Variants in MFRP observed in about 807,000 individuals in gnomAD.
MFRP encodes C1q and TNF related 5.
In MFRP, 74 loss-of-function variants were observed where a neutral mutation model predicts 65.8. That is an observed-to-expected ratio of 1.12 (90% confidence interval 0.93 to 1.36). The LOEUF is 1.36. Ranked by LOEUF, MFRP falls within the 40% of genes most tolerant of loss-of-function variation. The probability of loss-of-function intolerance (pLI) is 0.00; values close to 1 mark genes in which losing one functional copy is unlikely to be tolerated. For missense variants in MFRP, 838 were observed against 736.0 expected (o/e 1.14, Z -1.60); for synonymous variants, 336 against 288.3 (o/e 1.17, Z -1.68).
rs776835313 is a variant in MFRP at position 119,345,914 on chromosome 11, G to T, written c.286C>A (p.Pro96Thr). ...AIILAQLQAA[P>T]PSGASHSPLP... The stretch of plus-strand genomic sequence containing the variant: ...GGGCTATGGGACGCCCCAGATGGGG[G>T]TGCAGCCTGCAGCTCTGGAGGCGAG... The change falls in exon 4 of 15, where the codon CCC becomes ACC. Residue 96 changes from proline to threonine, a missense_variant. Transcript: ENST00000619721. The T allele has an allele frequency of 2.7e-5, 43 of 1,613,698 alleles. 1 individual carries two copies. The Middle Eastern group carries it at 4.9e-4, about 19-fold the overall frequency.
chr11:119,343,638 G>T (rs146716024), intron 9 of MFRP, among the ~76,000 whole-genome samples, 178 bp downstream of exon 9: 1 of 152,332 alleles, frequency 6.6e-6, no homozygotes, highest in Non-Finnish European at 1.5e-5. Flanking sequence ...GACAGGGAGA[G>T]TGTGGGGTGA....
intron 9 of MFRP, among the ~76,000 whole-genome samples, chr11:119,343,274 G>C (rs1042176894): frequency 6.6e-5 from 10 of 152,264 alleles, no homozygotes; most frequent in Non-Finnish European, 1.3e-4. Context: ...ATTTTGGGAG[G>C]CTGAGTAGGG....
chr11:119,345,103 A>G, intron 5 of MFRP, 99 bp from the exon 6 acceptor site: 2 of 1,479,128 alleles, frequency 1.4e-6, no homozygotes, highest in Non-Finnish European at 1.8e-6. Flanking sequence ...TCAACCCCCA[A>G]ACTGGTGACC....
In MFRP at chr11:119,339,716, G is replaced by T; in HGVS notation, c.*1243C>A. The T allele has an allele frequency of 6.2e-7, 1 of 1,603,214 alleles. No individual in the cohort carries two copies. ...GGGCAAGGGTGCGTCAGACGGCGGA[G>T]GCACCCGGCTCTCGGAGCGCTTGGC... On this transcript the variant is annotated 3_prime_UTR_variant, in exon 15 of 15. Coordinates refer to ENST00000619721, the MANE Select transcript of MFRP (RefSeq NM_031433.4). The surrounding 1 kb of genome is among the most constrained non-coding windows in gnomAD (Gnocchi z 5.4).
At position 119,345,757 on chromosome 11, in the gene MFRP, T is replaced by G. The variant is rs757332532; in HGVS notation, c.427+16A>C. 6.2e-7 allele frequency: 1 copy of G among 1,613,444 alleles called. No individual in the cohort carries two copies. The highest frequency in any genetic ancestry group is 1.1e-5 in the South Asian group (1 of 91,082). ...TCTTGGGCCCTTCTCCCGGAAGATC[T>G]GCCCCCAGTACTCACTGGACTGTGG... On this transcript the variant is annotated intron_variant, in intron 4 of 14. Transcript: ENST00000619721.
At position 119,341,537 on chromosome 11, in the gene MFRP, CGGCTTCAGGGTCAG is replaced by C; in HGVS notation, c.1737_*10del. 6.2e-7 allele frequency: 1 copy of C among 1,609,064 alleles called. No homozygotes were observed. The highest frequency in any genetic ancestry group is 8.5e-7 in the Non-Finnish European group (1 of 1,177,478). On this transcript the variant is annotated stop_lost and 3_prime_UTR_variant, in exon 13 of 15. Coordinates refer to ENST00000619721, the MANE Select transcript of MFRP (RefSeq NM_031433.4). Reference sequence around the variant, plus strand: ...GGACGGGCAGGAAGAGGGCAGGGGCCGGCTTCAGGGTCAGGGCTGGGCACAAGCTTCCAGGTCAG... The same window carrying C: ...GGACGGGCAGGAAGAGGGCAGGGGCCGGCTGGGCACAAGCTTCCAGGTCAG...
In MFRP at chr11:119,339,547, G is replaced by A; in HGVS notation, c.*1412C>T. The A allele has an allele frequency of 6.2e-7, 1 of 1,613,606 alleles. No homozygotes were observed. Among genetic ancestry groups the A allele is most frequent in the South Asian group, 1.1e-5 (1 of 91,080 alleles). ...ACTGGAAGAAAGAGGCAATGGATTC[G>A]CCATTCTTCACCAGATCAAACTGCA... On this transcript the variant is annotated 3_prime_UTR_variant, in exon 15 of 15. Transcript: ENST00000619721. The surrounding 1 kb of genome is among the most constrained non-coding windows in gnomAD (Gnocchi z 5.4).
rs1950517644 is a variant in MFRP, at chr11:119,342,912, C to A, written c.1216G>T (p.Gly406Cys). 1 of 1,612,930 alleles carries A rather than the reference C, an allele frequency of 6.2e-7. No individual in the cohort carries two copies. Among genetic ancestry groups the A allele is most frequent in the Non-Finnish European group, 8.5e-7 (1 of 1,179,918 alleles). The change falls in exon 10 of 15, where the codon GGC (glycine) becomes TGC (cysteine). Residue 406 changes from glycine to cysteine, a missense_variant. Gly to Cys is a radical substitution (Grantham distance 159). Coordinates refer to ENST00000619721, the MANE Select transcript of MFRP (RefSeq NM_031433.4). Reference sequence around the variant, plus strand: ...AAGGCCAGGTAGGTGGCTGAGAAGCCTCCACTGCTGATGCCATGATCTGTC... The same window carrying A: ...AAGGCCAGGTAGGTGGCTGAGAAGCATCCACTGCTGATGCCATGATCTGTC... ...FRTDHGISSG[G>C]FSATYLAFNA...
chr11:119,343,018 C>G lies in MFRP; in HGVS notation c.1125-15G>C. On this transcript the variant is annotated splice_polypyrimidine_tract_variant and intron_variant, in intron 9 of 14. Transcript: ENST00000619721. ...CTCCACAGAACCTGCCCAAAGCAGA[C>G]AGCTGTTCTGGGCACCAGCCCTGGC... 5.0e-6 allele frequency: 8 copies of G among 1,593,106 alleles called. No individual in the cohort carries two copies. The highest frequency in any genetic ancestry group is 6.8e-6 in the Non-Finnish European group (8 of 1,171,544).
chr11:119,345,799 G>A lies in MFRP; in HGVS notation c.401C>T (p.Ser134Leu). The A allele has an allele frequency of 6.2e-7, 1 of 1,613,796 alleles. No homozygotes were observed. ...AAGTPKGQQE[S>L]GVSPSPQSTC... is the part of the protein sequence containing the mutation. ...GGACTGTGGGGAGGGGCTCACGCCT[G>A]ACTCCTGCTGCCCTTTAGGGGTCCC... Residue 134 changes from serine (S) to leucine (L), a missense_variant, in exon 4 of 15, where the codon TCA becomes TTA. Physicochemically the swap from Ser to Leu is moderately radical, Grantham distance 145. Transcript: ENST00000619721.
At chr11:119,343,066 T>G (rs1674645351) in intron 9 of MFRP, 63 bp from the exon 10 acceptor site, 1 of 1,546,504 alleles carries the variant, frequency 6.5e-7, no homozygotes, top group Admixed American at 1.9e-5. Context: ...CACTGCAGCC[T>G]CCCACAGGCC....
chr11:119,341,545 G>T lies in MFRP; in HGVS notation c.*3C>A, dbSNP rs1950502603. 1.9e-6 allele frequency: 3 copies of T among 1,611,462 alleles called. No individual in the cohort carries two copies. The Admixed American group carries it at 5.0e-5, about 27-fold the overall frequency. ...AGGAAGAGGGCAGGGGCCGGCTTCA[G>T]GGTCAGGGCTGGGCACAAGCTTCCA... On this transcript the variant is annotated 3_prime_UTR_variant, in exon 13 of 15. Transcript: ENST00000619721.
Position 119,346,388 on chromosome 11 carries a change from A to C in MFRP, c.55-14T>G. ...GCAGAACTCGGTCTGGAAGGGGGAG[A>C]TACTTGAGGGCTGAGGGCAGCAGTG... is the stretch of plus-strand genomic sequence containing the variant. On this transcript the variant is annotated splice_polypyrimidine_tract_variant and intron_variant, in intron 1 of 14. Transcript: ENST00000619721. 6.2e-7 allele frequency: 1 copy of C among 1,613,622 alleles called. No individual in the cohort carries two copies.
rs778116339 is a variant in MFRP at position 119,341,558 on chromosome 11, G to C, written c.1730C>G (p.Ala577Gly). 2 of 1,612,332 alleles carry C rather than the reference G, an allele frequency of 1.2e-6. No individual in the cohort carries two copies. Among genetic ancestry groups the C allele is most frequent in the East Asian group, 4.5e-5 (2 of 44,900 alleles). ...GGGCCGGCTTCAGGGTCAGGGCTGG[G>C]CACAAGCTTCCAGGTCAGCTGCCTC... ...LPEAADLEAC[A>G]QP Residue 577 changes from alanine (A) to glycine (G), a missense_variant, in exon 13 of 15, where the codon GCC becomes GGC. Transcript: ENST00000619721.
In MFRP at chr11:119,340,045, C is replaced by A. The variant is rs1050350671; in HGVS notation, c.*1110+139G>T. ...GCCAAGGGGGCTCCCGCCGCCTGGG[C>A]CCCTCCCCCGCTCAGGGCTGCAAAG... On this transcript the variant is annotated intron_variant, in intron 14 of 14. Transcript: ENST00000619721. 5.5e-6 allele frequency: 7 copies of A among 1,268,804 alleles called. No homozygotes were observed. The African/African-American group carries it at 6.4e-5, about 12-fold the overall frequency. The allele number at this position is 1,268,804 out of a possible 1,614,324, so 78.6% of individuals were successfully genotyped here. A position where few individuals can be genotyped will look rare whatever the true frequency, so the allele number is the denominator to read the frequency against.
Position 119,346,169 on chromosome 11 carries a change from G to A in MFRP, c.158-10C>T. 3 of 1,580,664 alleles carry A rather than the reference G, an allele frequency of 1.9e-6. No homozygotes were observed. Among genetic ancestry groups the A allele is most frequent in the Non-Finnish European group, 2.6e-6 (3 of 1,162,698 alleles). On this transcript the variant is annotated splice_polypyrimidine_tract_variant and intron_variant, in intron 2 of 14. Transcript: ENST00000619721. ...CCTCGAGGACGCCGACCTGCGGGTT[G>A]GCAGGTGGGGTTTTGAAAGCCCCTT...
chr11:119,345,023 G>C lies in MFRP; in HGVS notation c.642-19C>G, dbSNP rs996211821. 5.0e-6 allele frequency: 8 copies of C among 1,597,596 alleles called. No homozygotes were observed. In the Admixed American group the frequency reaches 1.2e-4, roughly 25 times the overall value. ...ACAAACCCTGCAAGAAGCCAGGTTG[G>C]GGGTGAGGGAGGCTCCAAGAGCAGG... On this transcript the variant is annotated intron_variant, in intron 5 of 14. Transcript: ENST00000619721.
In MFRP at chr11:119,345,342, TCCC is replaced by T. The variant is rs985038010; in HGVS notation, c.641+75_641+77del. Reference sequence around the variant, plus strand: ...CAATTTCTTCCTCGGTTAGCCCTTCTCCCTGCCACTCCCTGATTCTGCTCTTTA... The same window carrying T: ...CAATTTCTTCCTCGGTTAGCCCTTCTTGCCACTCCCTGATTCTGCTCTTTA... On this transcript the variant is annotated intron_variant, in intron 5 of 14. Coordinates refer to ENST00000619721, the MANE Select transcript of MFRP (RefSeq NM_031433.4). The T allele has an allele frequency of 1.3e-5, 19 of 1,448,010 alleles. No homozygotes were observed. The African/African-American group carries it at 2.5e-4, about 19-fold the overall frequency. The allele number at this position is 1,448,010 out of a possible 1,614,324, so 89.7% of individuals were successfully genotyped here.
At position 119,341,934 on chromosome 11, in the gene MFRP, T is replaced by G; in HGVS notation, c.1438A>C (p.Asn480His). The part of the protein sequence containing the change: ...QVEMCLGLSY[N>H]TTAFPNIWVG... Reference sequence around the variant, plus strand: ...CAGATGTTAGGGAAGGCTGTGGTGTTGTAGCTCAGACCGAGGCACATCTCC... The same window carrying G: ...CAGATGTTAGGGAAGGCTGTGGTGTGGTAGCTCAGACCGAGGCACATCTCC... The change falls in exon 12 of 15, where the codon AAC becomes CAC. Residue 480 changes from asparagine to histidine, a missense_variant. Transcript: ENST00000619721. 6.2e-7 allele frequency: 1 copy of G among 1,613,944 alleles called. No homozygotes were observed. Among genetic ancestry groups the G allele is most frequent in the Non-Finnish European group, 8.5e-7 (1 of 1,180,008 alleles).
Sources: allele counts gnomAD v4.1 joint callset (sites outside exome capture counted in the v4.1 genomes callset), GRCh38; gene constraint gnomAD v4.1.1; non-coding constraint Gnocchi (gnomAD v3.1); transcripts MANE v1.5; gene names NCBI Gene and HGNC (gene_info 2026-07-23, HGNC 2026-07-21).